TPPP: variants seen among roughly 807,000 people sequenced by gnomAD.
TPPP encodes tubulin polymerization promoting protein.
TPPP carries 6 observed loss-of-function variants against 15.5 expected under a neutral mutation model. The ratio of observed to expected loss-of-function variants is 0.39; its 90% CI spans 0.21 to 0.77. The LOEUF (loss-of-function observed/expected upper bound fraction) is 0.77, where lower values mean the gene tolerates loss of function less well. Among genes scored for constraint, TPPP ranks in the 30% least tolerant of loss-of-function variants. TPPP has a pLI of 0.42. For synonymous variants in TPPP, 146 were observed against 133.9 expected, an observed-to-expected ratio of 1.09 and a Z score of -0.63; for missense variants, 269 against 307.2, an observed-to-expected ratio of 0.88 and a Z score of 0.93.
intron 1 of TPPP, among the ~76,000 whole-genome samples, chr5:684,252 G>A (rs1045338529): frequency 2.4e-4 from 36 of 152,352 alleles, no homozygotes; most frequent in Non-Finnish European, 4.1e-4. Flanking sequence ...GGAGGGGATC[G>A]GGACCAGGGG....
chr5:694,078 C>A (rs377387539), upstream of TPPP, among the ~76,000 whole-genome samples: 26 of 127,930 alleles, frequency 2.0e-4, 2 homozygotes, highest in East Asian at 1.8e-3. Context: ...GTTCTCCCTG[C>A]AGGTCGCCCG....
At chr5:694,043 ACCCCT>A, upstream of TPPP, among the ~76,000 whole-genome samples, 1 of 14,042 alleles carries the variant, frequency 7.1e-5, no homozygotes, top group African/African-American at 2.2e-4. Context: ...CGGAGCGCGC[ACCCCT>A]GACCCCGGCC....
chr5:665,324 A>G lies in TPPP; in HGVS notation c.466-28T>C, dbSNP rs773010030. On this transcript the variant is annotated intron_variant, in intron 3 of 3. Transcript: ENST00000360578. ...GCAAGAGGAGCAGGAGGAAGGGGGCAGGTGAGTTGCGAGCCAGGTGAGGCC... is the reference window on the plus strand; with the variant it reads ...GCAAGAGGAGCAGGAGGAAGGGGGCGGGTGAGTTGCGAGCCAGGTGAGGCC... 13 of 1,596,636 alleles carry G rather than the reference A, an allele frequency of 8.1e-6. No individual in the cohort carries two copies. In the East Asian group the frequency reaches 2.5e-4, roughly 31 times the overall value.
rs1157497432 is a variant in TPPP at position 660,104 on chromosome 5, G to C, written c.*4998C>G. 2 of 152,268 alleles carry C rather than the reference G, an allele frequency of 1.3e-5. No homozygotes were observed. The highest frequency in any genetic ancestry group is 4.8e-5 in the African/African-American group (2 of 41,420). The allele number at this position is 152,268 out of a possible 1,614,324, so 9.4% of individuals were successfully genotyped here. ...TAGACATCAGCAGAAGTGGCTTTCA[G>C]AGTCAGAACAGCCATGACGTGGACA... is the stretch of plus-strand genomic sequence containing the variant. On this transcript the variant is annotated 3_prime_UTR_variant, in exon 4 of 4. Transcript: ENST00000360578.
In TPPP at chr5:677,904, C is replaced by T. The variant is rs778150992; in HGVS notation, c.157G>A (p.Glu53Lys). The T allele has an allele frequency of 1.6e-5, 26 of 1,612,834 alleles. No individual in the cohort carries two copies. The highest frequency in any genetic ancestry group is 6.7e-5 in the East Asian group (3 of 44,878). The stretch of plus-strand genomic sequence containing the variant: ...TGCACGGCAAAGCGCCGGAAGGCCT[C>T]CTCCAGGGCACTGAGCTCAGGGGAT... Reference protein sequence around the residue: ...AASPELSALEEAFRRFAVHGD... With the variant: ...AASPELSALEKAFRRFAVHGD... Residue 53 changes from glutamate to lysine, a missense_variant, in exon 2 of 4, where the codon GAG becomes AAG. By Grantham distance (56) the Glu-to-Lys change is moderately conservative (BLOSUM62 1). Transcript: ENST00000360578.
chr5:698,808 A>G, the TPPP span, among the ~76,000 whole-genome samples: 1 of 152,018 alleles, frequency 6.6e-6, no homozygotes, highest in African/African-American at 2.4e-5. Context: ...GATTTGATAA[A>G]TAAATTCAGT....
chr5:692,219 C>T (rs553160766), intron 1 of TPPP, among the ~76,000 whole-genome samples: 23 of 132,516 alleles, frequency 1.7e-4, no homozygotes, highest in African/African-American at 6.2e-4. Context: ...CCCCAACCCC[C>T]TATCAAAACA....
chr5:665,040 T>C lies in TPPP; in HGVS notation c.*62A>G, dbSNP rs763639551. 2 of 1,547,360 alleles carry C rather than the reference T, an allele frequency of 1.3e-6. No homozygotes were observed. Among genetic ancestry groups the C allele is most frequent in the Admixed American group, 1.7e-5 (1 of 57,766 alleles). ...CAGTTAGTACAGGAATGTAATGAAG[T>C]GCGAGGTGACAGAGTCCCTGCTCTG... is the stretch of plus-strand genomic sequence containing the variant. On this transcript the variant is annotated 3_prime_UTR_variant, in exon 4 of 4. Transcript: ENST00000360578.
rs73730917 is a variant in TPPP, at chr5:681,712, T to C, written c.-4-3648A>G. Among the ~76,000 whole-genome samples the C allele has an allele frequency of 9.9e-3, 1,425 of 144,554 alleles. 19 individuals carry two copies. The highest frequency in any genetic ancestry group is 0.035 in the African/African-American group (1,361 of 39,068). 94.8% of individuals were successfully genotyped at this position (144,554 alleles called of 152,430 possible). A position where few individuals can be genotyped will look rare whatever the true frequency, so the allele number is the denominator to read the frequency against. Reference sequence around the variant, plus strand: ...GCGCCTCCCCAGGGAGTCAGGAGGATGGCACCTACGGGCTCACCCACGGGT... The same window carrying C: ...GCGCCTCCCCAGGGAGTCAGGAGGACGGCACCTACGGGCTCACCCACGGGT... On this transcript the variant is annotated intron_variant, in intron 1 of 3. Coordinates refer to ENST00000360578, the MANE Select transcript of TPPP (RefSeq NM_007030.3).
rs1014217526 is a variant in TPPP at position 662,935 on chromosome 5, T to C, written c.*2167A>G. 1 of 138,924 alleles carries C rather than the reference T, an allele frequency of 7.2e-6. No homozygotes were observed. Among genetic ancestry groups the C allele is most frequent in the African/African-American group, 2.8e-5 (1 of 35,202 alleles). The allele number at this position is 138,924 out of a possible 1,614,324, so 8.6% of individuals were successfully genotyped here. On this transcript the variant is annotated 3_prime_UTR_variant, in exon 4 of 4. Coordinates refer to ENST00000360578, the MANE Select transcript of TPPP (RefSeq NM_007030.3). ...GATTCTGGTGACCGCTCGTCTGTGA[T>C]CGGGTGAGTCCGATGACTGCTCGTC... is the stretch of plus-strand genomic sequence containing the variant.
At chr5:698,489 G>T in the TPPP span, among the ~76,000 whole-genome samples, 1 of 152,032 alleles carries the variant, frequency 6.6e-6, no homozygotes, top group African/African-American at 2.4e-5. Context: ...AGGTTTCATG[G>T]ACTTACAGTT....
Position 677,877 on chromosome 5 carries a change from C to A in TPPP, c.184G>T (p.Gly62Trp). 1 of 1,612,852 alleles carries A rather than the reference C, an allele frequency of 6.2e-7. No individual in the cohort carries two copies. The highest frequency in any genetic ancestry group is 8.5e-7 in the Non-Finnish European group (1 of 1,179,888). Residue 62 changes from glycine (G) to tryptophan (W), a missense_variant, in exon 2 of 4, where the codon GGG becomes TGG. Transcript: ENST00000360578. ...TCCCTCCCGGTGGCCCTGGCGTCCCCGTGCACGGCAAAGCGCCGGAAGGCC... is the reference window on the plus strand; with the variant it reads ...TCCCTCCCGGTGGCCCTGGCGTCCCAGTGCACGGCAAAGCGCCGGAAGGCC... ...EEAFRRFAVH[G>W]DARATGREMH...
intron 2 of TPPP, among the ~76,000 whole-genome samples, chr5:676,984 G>C (rs114036480): frequency 8.9e-6 from 1 of 112,544 alleles, no homozygotes; most frequent in South Asian, 3.1e-4. Context: ...CACACACGAC[G>C]CAGAAACGCG....
chr5:677,699 C>T (rs556233585), intron 2 of TPPP, 51 bp downstream of exon 2: 57 of 1,496,786 alleles, frequency 3.8e-5, no homozygotes, highest in East Asian at 4.6e-5. Context: ...GGCTCAGGGC[C>T]GCAGACCCCC....
chr5:677,957 G>C lies in TPPP; in HGVS notation c.104C>G (p.Ser35Trp), dbSNP rs370108467. 6.2e-7 allele frequency: 1 copy of C among 1,611,208 alleles called. No homozygotes were observed. Among genetic ancestry groups the C allele is most frequent in the Admixed American group, 1.7e-5 (1 of 59,834 alleles). ...DRAAKRLSLE[S>W]EGAGEGAAAS... is the part of the protein sequence containing the mutation. ...GGCTGCCCCCTCACCAGCACCCTCCGATTCCAGCGACAGCCTCTTGGCTGC... is the reference window on the plus strand; with the variant it reads ...GGCTGCCCCCTCACCAGCACCCTCCCATTCCAGCGACAGCCTCTTGGCTGC... Residue 35 changes from serine to tryptophan, a missense_variant, in exon 2 of 4, where the codon TCG (serine) becomes TGG (tryptophan). By Grantham distance (177) the Ser-to-Trp change is radical (BLOSUM62 -3). Transcript: ENST00000360578.
Position 692,763 on chromosome 5 carries a change from T to C in TPPP, c.-5+515A>G, listed in dbSNP as rs1237237665. ...CCCCACCTGCCAGGACGCGGTGGTG[T>C]CAGGACCCTGAGATGGGCCGTTTCT... is the stretch of plus-strand genomic sequence containing the variant. On this transcript the variant is annotated intron_variant, in intron 1 of 3. Transcript: ENST00000360578. 5.3e-6 allele frequency: 5 copies of C among 951,142 alleles called. 1 individual carries two copies. The South Asian group carries it at 1.5e-4, about 28-fold the overall frequency. The allele number at this position is 951,142 out of a possible 1,614,324, so 58.9% of individuals were successfully genotyped here.
At chr5:693,796 G>C (rs34045737), upstream of TPPP, among the ~76,000 whole-genome samples, 1 of 141,748 alleles carries the variant, frequency 7.1e-6, no homozygotes, top group Admixed American at 7.0e-5. Flanking sequence ...CCTCGAGGAC[G>C]GTGCGGGGCG....
At chr5:699,743 CA>C in the TPPP span, among the ~76,000 whole-genome samples, 3 of 151,124 alleles carry the variant, frequency 2.0e-5, no homozygotes, top group African/African-American at 7.3e-5. Flanking sequence ...CCACAATCTA[CA>C]AGGAACTCAA....
chr5:700,261 G>A, the TPPP span, among the ~76,000 whole-genome samples: 12 of 152,084 alleles, frequency 7.9e-5, 1 homozygote, highest in East Asian at 1.9e-4. Flanking sequence ...CTACCCGTCC[G>A]TTAACAAAGA....
Sources: allele counts gnomAD v4.1 joint callset (sites outside exome capture counted in the v4.1 genomes callset), GRCh38; gene constraint gnomAD v4.1.1; transcripts MANE v1.5; gene names NCBI Gene and HGNC (gene_info 2026-07-23, HGNC 2026-07-21).